Variants in UBR4 observed in about 807,000 individuals in gnomAD.
UBR4 encodes the protein E3 ubiquitin-protein ligase UBR4.
UBR4 carries 124 observed loss-of-function variants against 575.6 expected under a neutral mutation model. The observed-to-expected ratio is 0.22, with a 90% CI of 0.19 to 0.25. The LOEUF (loss-of-function observed/expected upper bound fraction) is 0.25. Among genes scored for constraint, UBR4 ranks in the 10% least tolerant of loss-of-function variants. The pLI is 1.00. For synonymous variants in UBR4, 2,455 were observed against 2,473.7 expected, an observed-to-expected ratio of 0.99 and a Z score of 0.22; for missense variants, 4,818 against 6,478.8, an observed-to-expected ratio of 0.74 and a Z score of 8.80.
chr1:19,084,709 G>A lies in UBR4; in HGVS notation c.14814-11C>T, dbSNP rs1319077032. On this transcript the variant is annotated splice_polypyrimidine_tract_variant and intron_variant, in intron 101 of 105. Coordinates refer to ENST00000375254, the MANE Select transcript of UBR4 (RefSeq NM_020765.3). Reference sequence around the variant, plus strand: ...AGGTAAGTGTTGTGTCTAGAGGGAAGCAGAACAAACAATGAAATGGAAGTG... The same window carrying A: ...AGGTAAGTGTTGTGTCTAGAGGGAAACAGAACAAACAATGAAATGGAAGTG... 1.3e-6 allele frequency: 2 copies of A among 1,585,472 alleles called. No individual in the cohort carries two copies. Among genetic ancestry groups the A allele is most frequent in the East Asian group, 2.3e-5 (1 of 43,836 alleles).
intron 97 of UBR4, among the ~76,000 whole-genome samples, chr1:19,092,147 C>T (rs571893792): frequency 6.6e-6 from 1 of 151,976 alleles, no homozygotes; most frequent in Admixed American, 6.6e-5. Context: ...CAAGAGGGAC[C>T]CTTGTGCTGA....
In UBR4 at chr1:19,074,744, G is replaced by T. The variant is rs888615698; in HGVS notation, c.*88C>A. On this transcript the variant is annotated 3_prime_UTR_variant, in exon 106 of 106. Transcript: ENST00000375254. ...GGGCGGGGTAACAATGCAGCATCCC[G>T]CGGAGGGAACTTAATGCACAAGGAG... 11 of 1,465,576 alleles carry T rather than the reference G, an allele frequency of 7.5e-6. No individual in the cohort carries two copies. Among genetic ancestry groups the T allele is most frequent in the African/African-American group, 1.4e-5 (1 of 72,172 alleles). The allele number at this position is 1,465,576 out of a possible 1,614,324, so 90.8% of individuals were successfully genotyped here.
chr1:19,110,139 T>C lies in UBR4; in HGVS notation c.12062A>G (p.Gln4021Arg), dbSNP rs374044173. The C allele has an allele frequency of 6.2e-7, 1 of 1,614,196 alleles. No homozygotes were observed. The highest frequency in any genetic ancestry group is 8.5e-7 in the Non-Finnish European group (1 of 1,180,024). ...NITLMCLRIL[Q>R]KLIKPPAPTS... Reference sequence around the variant, plus strand: ...GGGAGCAGGTGGTTTTATCAGCTTCTGCAAGATCCTCAGGCACATGAGGGT... The same window carrying C: ...GGGAGCAGGTGGTTTTATCAGCTTCCGCAAGATCCTCAGGCACATGAGGGT... Residue 4021 changes from glutamine (Q) to arginine (R), a missense_variant, in exon 81 of 106, where the codon CAG (glutamine) becomes CGG (arginine). Coordinates refer to ENST00000375254, the MANE Select transcript of UBR4 (RefSeq NM_020765.3). The surrounding 1 kb of genome is among the most constrained non-coding windows in gnomAD (Gnocchi z 4.5).
At chr1:19,097,092 G>C in intron 91 of UBR4, 101 bp downstream of exon 91, 1 of 892,356 alleles carries the variant, frequency 1.1e-6, no homozygotes, top group Non-Finnish European at 1.6e-6. Context: ...TTCTGATGCA[G>C]AGGTACAAGA....
In UBR4 at chr1:19,162,410, T is replaced by A. The variant is rs368699502; in HGVS notation, c.4956+10A>T. 6.2e-7 allele frequency: 1 copy of A among 1,609,932 alleles called. No homozygotes were observed. Among genetic ancestry groups the A allele is most frequent in the South Asian group, 1.1e-5 (1 of 90,462 alleles). ...TTGAGAGGTTAACTTCGAGGTTACT[T>A]AGTACTTACTGAATCCTCAGCCTGG... On this transcript the variant is annotated intron_variant, in intron 35 of 105. Coordinates refer to ENST00000375254, the MANE Select transcript of UBR4 (RefSeq NM_020765.3).
In UBR4 at chr1:19,174,410, T is replaced by C; in HGVS notation, c.2891A>G (p.Asp964Gly). 6.2e-7 allele frequency: 1 copy of C among 1,612,480 alleles called. No individual in the cohort carries two copies. Among genetic ancestry groups the C allele is most frequent in the South Asian group, 1.1e-5 (1 of 91,058 alleles). Residue 964 changes from aspartate (D) to glycine (G), a missense_variant, in exon 22 of 106, where the codon GAT (aspartate) becomes GGT (glycine). Asp to Gly is a moderately conservative substitution (Grantham distance 94). Transcript: ENST00000375254. ...DVLFSKLVKY[D>G]ELYAALTALL... ...GGCTGTCAGTGCAGCATAAAGCTCA[T>C]CATACTTGACAAGCTTGGAGAAAAG...
At chr1:19,199,778 C>G in intron 2 of UBR4, 24 bp from the exon 3 acceptor site, 1 of 1,587,510 alleles carries the variant, frequency 6.3e-7, no homozygotes, top group Non-Finnish European at 8.6e-7. Flanking sequence ...AAACATTACT[C>G]AATTTCAGAC....
chr1:19,121,744 C>T (rs1215061530), intron 67 of UBR4, among the ~76,000 whole-genome samples, 190 bp downstream of exon 67: 1 of 152,162 alleles, frequency 6.6e-6, no homozygotes, highest in Non-Finnish European at 1.5e-5. Context: ...TACAGCTCCC[C>T]AAACTTTGAC....
At position 19,206,717 on chromosome 1, in the gene UBR4, A is replaced by G. The variant is rs192877807; in HGVS notation, c.176+3356T>C. 5.3e-5 allele frequency among the ~76,000 whole-genome samples: 8 copies of G among 152,332 alleles called. No individual in the cohort carries two copies. The East Asian group carries it at 1.5e-3, about 29-fold the overall frequency. On this transcript the variant is annotated intron_variant, in intron 1 of 105. Transcript: ENST00000375254. Reference sequence around the variant, plus strand: ...TGCTAGCTAGCTACATGCTATAGAGAAAAATCTTCCCTTTAAATAAATTCA... The same window carrying G: ...TGCTAGCTAGCTACATGCTATAGAGGAAAATCTTCCCTTTAAATAAATTCA...
intron 71 of UBR4, chr1:19,118,469 G>A (rs1377291588): frequency 1.8e-5 from 3 of 167,776 alleles, no homozygotes; most frequent in African/African-American, 2.5e-5. Context: ...ACCCAGGCTG[G>A]AGTGCAGTGG....
At chr1:19,201,549 C>T (rs1313106429) in intron 2 of UBR4, among the ~76,000 whole-genome samples, 169 bp downstream of exon 2, 1 of 152,204 alleles carries the variant, frequency 6.6e-6, no homozygotes, top group Non-Finnish European at 1.5e-5. Context: ...GGTAAGGGAA[C>T]CTCTGGAGCC....
chr1:19,189,442 A>G (rs568490848), intron 11 of UBR4, among the ~76,000 whole-genome samples: 2 of 152,366 alleles, frequency 1.3e-5, no homozygotes, highest in South Asian at 2.1e-4. Flanking sequence ...GGAATTAGGC[A>G]ACTACGGTAT....
At chr1:19,081,886 T>C (rs12164540) in intron 102 of UBR4, 243,711 of 623,564 alleles carry the variant, frequency 0.39, 48,258 homozygotes, top group Admixed American at 0.45. Flanking sequence ...ACGTTCACAA[T>C]CTCCCCAACA....
At chr1:19,106,752 A>G in intron 82 of UBR4, 26 bp from the exon 83 acceptor site, 2 of 1,597,764 alleles carry the variant, frequency 1.3e-6, no homozygotes, top group Non-Finnish European at 8.6e-7. Context: ...TTGCAGGGGT[A>G]GTAGGTAAGT....
At chr1:19,107,497 C>T (rs1240301635) in intron 81 of UBR4, among the ~76,000 whole-genome samples, 6 of 152,152 alleles carry the variant, frequency 3.9e-5, no homozygotes, top group African/African-American at 1.4e-4. Context: ...AAAACTAAAA[C>T]TGGCCGGGCG....
chr1:19,167,634 T>C (rs775921873), intron 28 of UBR4, among the ~76,000 whole-genome samples: 22 of 152,312 alleles, frequency 1.4e-4, no homozygotes, highest in Non-Finnish European at 2.9e-4. Flanking sequence ...CTGTTACCTA[T>C]GTATAAGAAG....
At chr1:19,171,016 C>G in intron 25 of UBR4, 133 bp from the exon 26 acceptor site, 1 of 1,218,398 alleles carries the variant, frequency 8.2e-7, no homozygotes, top group Non-Finnish European at 1.1e-6. Context: ...AGTGCCTGCC[C>G]CTTCCTGGTC....
At chr1:19,111,651 T>A (rs2079894370) in intron 78 of UBR4, 1 of 147,368 alleles carries the variant, frequency 6.8e-6, no homozygotes, top group Non-Finnish European at 1.5e-5. Context: ...AGACGGAGTC[T>A]CGCTTGTTGC....
rs771764005 is a variant in UBR4 at position 19,121,927 on chromosome 1, T to C, written c.9895+7A>G. 2 of 1,614,052 alleles carry C rather than the reference T, an allele frequency of 1.2e-6. No homozygotes were observed. The highest frequency in any genetic ancestry group is 1.7e-6 in the Non-Finnish European group (2 of 1,180,014). Reference sequence around the variant, plus strand: ...TAACAGCAATCAAAAGGAGCAGCATTGCTTACAGTCATCTTTGATGCAGAA... The same window carrying C: ...TAACAGCAATCAAAAGGAGCAGCATCGCTTACAGTCATCTTTGATGCAGAA... On this transcript the variant is annotated splice_region_variant and intron_variant, in intron 67 of 105. Transcript: ENST00000375254.
Sources: allele counts gnomAD v4.1 joint callset (sites outside exome capture counted in the v4.1 genomes callset), GRCh38; gene constraint gnomAD v4.1.1; non-coding constraint Gnocchi (gnomAD v3.1); transcripts MANE v1.5; gene names NCBI Gene and HGNC (gene_info 2026-07-23, HGNC 2026-07-21).